MYEF2: variants seen among roughly 807,000 people sequenced by gnomAD.
The protein encoded by MYEF2 is myelin gene expression factor 2.
In MYEF2, 37 loss-of-function variants were observed where a neutral mutation model predicts 75.2. The ratio of observed to expected loss-of-function variants is 0.49; its 90% CI spans 0.38 to 0.65. The LOEUF (loss-of-function observed/expected upper bound fraction) is 0.65. Among genes scored for constraint, MYEF2 ranks in the 30% least tolerant of loss-of-function variants. The pLI, the probability that MYEF2 is intolerant of heterozygous loss-of-function variation, is 0.00. For synonymous variants in MYEF2, 195 were observed against 241.6 expected (o/e 0.81, Z 1.79); for missense variants, 634 against 771.4 (o/e 0.82, Z 2.11).
At chr15:48,157,613 C>G (rs2039752122) in intron 9 of MYEF2, 2 of 358,486 alleles carry the variant, frequency 5.6e-6, no homozygotes, top group African/African-American at 2.2e-5. Context: ...AAAAATAATT[C>G]AAAATTATTT....
In MYEF2 at chr15:48,135,820, T is replaced by G. The variant is rs2038884288; in HGVS notation, c.*7088A>C. 6.6e-6 allele frequency: 1 copy of G among 152,160 alleles called. No homozygotes were observed. The highest frequency in any genetic ancestry group is 6.6e-5 in the Admixed American group (1 of 15,248). 9.4% of individuals were successfully genotyped at this position (152,160 alleles called of 1,614,324 possible). On this transcript the variant is annotated 3_prime_UTR_variant, in exon 17 of 17. Transcript: ENST00000324324. Reference sequence around the variant, plus strand: ...CTAGCCAGAAGCATAATTTCTAAACTAATCATCCTGTCCTCTAGTCCGTCT... The same window carrying G: ...CTAGCCAGAAGCATAATTTCTAAACGAATCATCCTGTCCTCTAGTCCGTCT...
chr15:48,156,976 G>A (rs2039722215), intron 9 of MYEF2, among the ~76,000 whole-genome samples: 1 of 151,864 alleles, frequency 6.6e-6, no homozygotes, highest in Admixed American at 6.6e-5. Flanking sequence ...AGATGGGGAA[G>A]CTCCATTTTA....
chr15:48,168,338 TA>T (rs1377829869), intron 2 of MYEF2, among the ~76,000 whole-genome samples: 1 of 152,076 alleles, frequency 6.6e-6, no homozygotes, highest in Non-Finnish European at 1.5e-5. Flanking sequence ...ATAGCCCTTT[TA>T]AAATCTATAA....
Position 48,166,129 on chromosome 15 carries a change from C to T in MYEF2, c.424-1G>A. ...AAGAAAAAATTTCTTACCCACAACC[C>T]TATATCCAGGTAGATTTGTCAAAAT... On this transcript the variant is annotated splice_acceptor_variant, in intron 3 of 16. Transcript: ENST00000324324. LOFTEE classifies it high-confidence loss of function. 6.4e-7 allele frequency: 1 copy of T among 1,571,670 alleles called. No individual in the cohort carries two copies. The highest frequency in any genetic ancestry group is 8.7e-7 in the Non-Finnish European group (1 of 1,153,432).
At position 48,153,778 on chromosome 15, in the gene MYEF2, G is replaced by A. The variant is rs2039584294; in HGVS notation, c.1087+14C>T. ...GTATCATTTAAAAAGAAAAGAGGAA[G>A]TTAGAATACTCACCACCTGGACCTA... On this transcript the variant is annotated intron_variant, in intron 10 of 16. Coordinates refer to ENST00000324324, the MANE Select transcript of MYEF2 (RefSeq NM_016132.5). The A allele has an allele frequency of 1.2e-6, 2 of 1,604,200 alleles. No individual in the cohort carries two copies. Among genetic ancestry groups the A allele is most frequent in the Non-Finnish European group, 8.5e-7 (1 of 1,171,600 alleles).
chr15:48,166,357 G>A (rs540526855), intron 3 of MYEF2, among the ~76,000 whole-genome samples: 3 of 151,800 alleles, frequency 2.0e-5, no homozygotes, highest in East Asian at 3.9e-4. Context: ...AACAAGCTTG[G>A]AGCACATTTT....
chr15:48,145,577 C>T (rs1287872499), intron 16 of MYEF2, among the ~76,000 whole-genome samples: 1 of 151,780 alleles, frequency 6.6e-6, no homozygotes, highest in African/African-American at 2.4e-5. Flanking sequence ...GGATTTGTCC[C>T]ACAGTAAAAG....
intron 16 of MYEF2, among the ~76,000 whole-genome samples, chr15:48,148,656 C>T (rs905888414): frequency 6.6e-6 from 1 of 151,616 alleles, no homozygotes; most frequent in African/African-American, 2.4e-5. Flanking sequence ...ATACTATAAA[C>T]AAGGAAATAA....
At position 48,172,367 on chromosome 15, in the gene MYEF2, A is replaced by AT. The variant is rs1425299402; in HGVS notation, c.162-3529dup. On this transcript the variant is annotated intron_variant, in intron 1 of 16. Transcript: ENST00000324324. Reference sequence around the variant, plus strand: ...GTGAGCCAAGATCACACCATTGCACATTTTTTTTTTGATACAGAGCAAGAC... The same window carrying AT: ...GTGAGCCAAGATCACACCATTGCACATTTTTTTTTTTGATACAGAGCAAGAC... Among the ~76,000 whole-genome samples the AT allele has an allele frequency of 2.4e-3, 347 of 145,284 alleles. 2 individuals carry two copies. Among genetic ancestry groups the AT allele is most frequent in the African/African-American group, 7.1e-3 (280 of 39,530 alleles).
chr15:48,152,182 T>C (rs2039515853), intron 11 of MYEF2, 52 bp downstream of exon 11: 8 of 1,483,506 alleles, frequency 5.4e-6, no homozygotes, highest in South Asian at 1.2e-5. Flanking sequence ...CAGTTTCTAG[T>C]TTATTAAAAA....
At position 48,178,059 on chromosome 15, in the gene MYEF2, C is replaced by T. The variant is rs1404277995; in HGVS notation, c.161+18G>A. The T allele has an allele frequency of 1.9e-6, 3 of 1,588,276 alleles. No individual in the cohort carries two copies. Among genetic ancestry groups the T allele is most frequent in the Admixed American group, 1.7e-5 (1 of 57,880 alleles). On this transcript the variant is annotated intron_variant, in intron 1 of 16. Coordinates refer to ENST00000324324, the MANE Select transcript of MYEF2 (RefSeq NM_016132.5). ...CCGCCCCCCACCTCGCCCCGGTTCC[C>T]GGAGGAAAAGACAATACATTTTAAC...
intron 16 of MYEF2, among the ~76,000 whole-genome samples, chr15:48,147,055 A>G (rs760452654): frequency 2.6e-5 from 4 of 152,024 alleles, no homozygotes; most frequent in Admixed American, 6.6e-5. Flanking sequence ...ATCTTAAAAT[A>G]TAATTATAAT....
intron 10 of MYEF2, 79 bp from the exon 11 acceptor site, chr15:48,152,363 A>G: frequency 8.5e-7 from 1 of 1,179,734 alleles, no homozygotes; most frequent in South Asian, 1.3e-5. Flanking sequence ...ATTATAGCAA[A>G]ATAGATACCA....
At chr15:48,145,506 T>G (rs1408059534) in intron 16 of MYEF2, among the ~76,000 whole-genome samples, 2 of 151,838 alleles carry the variant, frequency 1.3e-5, no homozygotes, top group East Asian at 3.9e-4. Flanking sequence ...TAGTATGCCA[T>G]GAGAAATCAG....
chr15:48,151,568 A>G lies in MYEF2; in HGVS notation c.1211T>C (p.Leu404Pro). 6.2e-7 allele frequency: 1 copy of G among 1,602,084 alleles called. No homozygotes were observed. Among genetic ancestry groups the G allele is most frequent in the Non-Finnish European group, 8.5e-7 (1 of 1,176,440 alleles). ...GFGGVGRMGE[L>P]YRGAMTSSME... is the part of the protein sequence containing the mutation. ...GCTACTAGTCATCGCACCACGGTAC[A>G]GCTCTGAAAAAATTGTGCAACAAAT... is the stretch of plus-strand genomic sequence containing the variant. The change falls in exon 13 of 17, where the codon CTG becomes CCG. Residue 404 changes from leucine to proline, a missense_variant. Physicochemically the swap from Leu to Pro is moderately conservative, Grantham distance 98 (BLOSUM62 -3). Coordinates refer to ENST00000324324, the MANE Select transcript of MYEF2 (RefSeq NM_016132.5).
At chr15:48,175,583 C>A (rs528515692) in intron 1 of MYEF2, among the ~76,000 whole-genome samples, 6 of 152,006 alleles carry the variant, frequency 3.9e-5, no homozygotes, top group Admixed American at 1.3e-4. Flanking sequence ...TCAAAATATA[C>A]AATTTTTGTC....
chr15:48,148,915 G>T, intron 16 of MYEF2, 117 bp downstream of exon 16: 1 of 990,834 alleles, frequency 1.0e-6, no homozygotes, highest in Non-Finnish European at 1.6e-6. Context: ...ACGCTATCAA[G>T]ACTATCCAGG....
chr15:48,145,155 A>T (rs1031484805), intron 16 of MYEF2, among the ~76,000 whole-genome samples: 1 of 151,770 alleles, frequency 6.6e-6, no homozygotes, highest in African/African-American at 2.4e-5. Context: ...ACTTCCTCAC[A>T]GTTCTGATGT....
In MYEF2 at chr15:48,178,270, A is replaced by G. The variant is rs897986153; in HGVS notation, c.-33T>C. ...CCGCTGCCTCCGCCTCGGCCGCCTG[A>G]GCTGAGGGGCTCCGAGCGCGACAAT... is the stretch of plus-strand genomic sequence containing the variant. On this transcript the variant is annotated 5_prime_UTR_variant, in exon 1 of 17. Transcript: ENST00000324324. 7.3e-7 allele frequency: 1 copy of G among 1,373,446 alleles called. No individual in the cohort carries two copies. The highest frequency in any genetic ancestry group is 9.4e-7 in the Non-Finnish European group (1 of 1,067,872). 85.1% of individuals were successfully genotyped at this position (1,373,446 alleles called of 1,614,324 possible). A position where few individuals can be genotyped will look rare whatever the true frequency, so the allele number is the denominator to read the frequency against.
Sources: gnomAD v4.1 joint callset for allele counts (sites outside exome capture counted in the v4.1 genomes callset) on GRCh38, gnomAD v4.1.1 for gene constraint, MANE v1.5 for transcripts, NCBI Gene and HGNC (gene_info 2026-07-23, HGNC 2026-07-21) for gene names.